LRP1B: variants seen among roughly 807,000 people sequenced by gnomAD.
The protein encoded by LRP1B is LDL receptor related protein 1B, also known as low-density lipoprotein receptor-related protein 1B.
LRP1B carries 217 observed loss-of-function variants against 556.6 expected under a neutral mutation model. The ratio of observed to expected loss-of-function variants is 0.39; its 90% CI spans 0.35 to 0.44. The LOEUF (loss-of-function observed/expected upper bound fraction) is 0.44, where lower values mean the gene tolerates loss of function less well. Ranked by LOEUF, LRP1B falls within the 20% of genes least tolerant of loss-of-function variation. LRP1B has a pLI of 1.00. For synonymous variants in LRP1B, 2,047 were observed against 1,865.8 expected, an observed-to-expected ratio of 1.10 and a Z score of -2.50; for missense variants, 5,053 against 5,620.8, an observed-to-expected ratio of 0.90 and a Z score of 3.23.
chr2:140,316,241 G>A (rs1280821778), intron 82 of LRP1B, among the ~76,000 whole-genome samples: 1 of 152,100 alleles, frequency 6.6e-6, no homozygotes, highest in Non-Finnish European at 1.5e-5. Context: ...CTTTACTATA[G>A]TAATGTCCAT....
At chr2:140,277,610 CTAAATAAATAAA>C (rs1057311158) in intron 84 of LRP1B, among the ~76,000 whole-genome samples, 1 of 151,372 alleles carries the variant, frequency 6.6e-6, no homozygotes, top group Non-Finnish European at 1.5e-5. Context: ...AACTCTATCT[CTAAATAAATAAA>C]TAAATAATAA....
chr2:140,570,372 G>C (rs1404336850), intron 43 of LRP1B, among the ~76,000 whole-genome samples: 2 of 151,206 alleles, frequency 1.3e-5, no homozygotes, highest in Non-Finnish European at 3.0e-5. Flanking sequence ...AAATACAAAA[G>C]ATTAGTAGAA....
At chr2:140,365,705 T>C (rs540416024) in intron 71 of LRP1B, among the ~76,000 whole-genome samples, 81 of 151,762 alleles carry the variant, frequency 5.3e-4, no homozygotes, top group African/African-American at 1.9e-3. Context: ...TATCACAGTA[T>C]AGAATTAAGA....
chr2:142,042,747 A>G (rs1704107383), intron 1 of LRP1B, among the ~76,000 whole-genome samples: 1 of 151,632 alleles, frequency 6.6e-6, no homozygotes, highest in African/African-American at 2.4e-5. Flanking sequence ...CAAACCCACC[A>G]TGATTTGGAA....
rs143768663 is a variant in LRP1B at position 140,676,903 on chromosome 2, G to A, written c.6799+23347C>T. On this transcript the variant is annotated intron_variant, in intron 41 of 90. Coordinates refer to ENST00000389484, the MANE Select transcript of LRP1B (RefSeq NM_018557.3). The stretch of plus-strand genomic sequence containing the variant: ...TACTATCATAAACAATAGAGATACA[G>A]CAAACAACATTCTAACTCTCTAGTT... Among the ~76,000 whole-genome samples, 243 of 152,252 alleles carry A rather than the reference G, an allele frequency of 1.6e-3. 2 individuals carry two copies. Among genetic ancestry groups the A allele is most frequent in the African/African-American group, 5.4e-3 (224 of 41,536 alleles).
At chr2:140,734,918 T>C (rs1450052021) in intron 35 of LRP1B, among the ~76,000 whole-genome samples, 1 of 152,182 alleles carries the variant, frequency 6.6e-6, no homozygotes, top group African/African-American at 2.4e-5. Flanking sequence ...CTATCTTTCA[T>C]ATGGCTCAGA....
At chr2:140,774,962 T>C (rs1435744981) in intron 33 of LRP1B, among the ~76,000 whole-genome samples, 2 of 152,210 alleles carry the variant, frequency 1.3e-5, no homozygotes, top group Non-Finnish European at 2.9e-5. Flanking sequence ...TGGGTGCACA[T>C]ACGTTCTGTA....
chr2:141,348,533 G>T (rs1688334746), intron 3 of LRP1B, among the ~76,000 whole-genome samples: 1 of 151,774 alleles, frequency 6.6e-6, no homozygotes, highest in Non-Finnish European at 1.5e-5. Context: ...TAATTAGATG[G>T]TTAAATAACT....
chr2:141,236,515 T>C (rs775863723), intron 5 of LRP1B, among the ~76,000 whole-genome samples: 3 of 152,132 alleles, frequency 2.0e-5, no homozygotes, highest in Non-Finnish European at 2.9e-5. Context: ...CAGGAGTAAT[T>C]AGTTAAATAG....
At chr2:140,431,051 A>C (rs1373431244) in intron 66 of LRP1B, among the ~76,000 whole-genome samples, 1 of 152,202 alleles carries the variant, frequency 6.6e-6, no homozygotes, top group African/African-American at 2.4e-5. Flanking sequence ...CCCTTCTGTC[A>C]GATATAATTC....
At chr2:140,409,785 C>T (rs1360601889) in intron 66 of LRP1B, among the ~76,000 whole-genome samples, 7 of 139,508 alleles carry the variant, frequency 5.0e-5, no homozygotes, top group Non-Finnish European at 1.0e-4. Context: ...AACTTCGGGA[C>T]CAAGACTTGA....
At chr2:141,576,527 T>C (rs1232361067) in intron 2 of LRP1B, among the ~76,000 whole-genome samples, 5 of 152,124 alleles carry the variant, frequency 3.3e-5, no homozygotes, top group African/African-American at 4.8e-5. Flanking sequence ...TGTATATCTA[T>C]GTAGTAAACC....
At chr2:141,845,945 G>GA (rs1319910406) in intron 1 of LRP1B, among the ~76,000 whole-genome samples, 3 of 151,446 alleles carry the variant, frequency 2.0e-5, no homozygotes, top group African/African-American at 4.8e-5. Context: ...TAATCTGAAG[G>GA]AAAAAATAAT....
At chr2:140,486,011 A>G (rs1227940950) in intron 58 of LRP1B, among the ~76,000 whole-genome samples, 1 of 152,038 alleles carries the variant, frequency 6.6e-6, no homozygotes, top group Non-Finnish European at 1.5e-5. Context: ...GAGAATAGGC[A>G]TTATTTTGAA....
intron 83 of LRP1B, among the ~76,000 whole-genome samples, chr2:140,314,137 T>C (rs574084466): frequency 6.6e-6 from 1 of 152,026 alleles, no homozygotes; most frequent in South Asian, 2.1e-4. Context: ...AATGTGAAAA[T>C]AATATAGAAT....
chr2:141,076,592 T>C (rs1289828092), intron 7 of LRP1B, among the ~76,000 whole-genome samples: 1 of 152,176 alleles, frequency 6.6e-6, no homozygotes, highest in Non-Finnish European at 1.5e-5. Context: ...AAATTCAACC[T>C]GAGGATGCAT....
chr2:140,885,088 T>A (rs1277089960), intron 24 of LRP1B, among the ~76,000 whole-genome samples: 1 of 152,228 alleles, frequency 6.6e-6, no homozygotes, highest in African/African-American at 2.4e-5. Context: ...ACCACAGCAG[T>A]GCTTTTTGTT....
At chr2:141,697,675 C>CG (rs1691778895) in intron 2 of LRP1B, among the ~76,000 whole-genome samples, 1 of 151,864 alleles carries the variant, frequency 6.6e-6, no homozygotes, top group Non-Finnish European at 1.5e-5. Flanking sequence ...GCATGTAGTG[C>CG]TACTCAGCCA....
intron 35 of LRP1B, among the ~76,000 whole-genome samples, chr2:140,736,142 T>A (rs1320028599): frequency 1.3e-5 from 2 of 151,904 alleles, no homozygotes; most frequent in Non-Finnish European, 2.9e-5. Context: ...ATAAAGAGGA[T>A]GAGGGAAGGA....
Sources: allele counts gnomAD v4.1 joint callset (sites outside exome capture counted in the v4.1 genomes callset), GRCh38; gene constraint gnomAD v4.1.1; transcripts MANE v1.5; gene names NCBI Gene and HGNC (gene_info 2026-07-23, HGNC 2026-07-21).